TNRC18: variants seen among roughly 807,000 people sequenced by gnomAD.
TNRC18 encodes trinucleotide repeat containing 18.
Under a neutral mutation model 226.7 loss-of-function variants are expected in TNRC18, and 69 were observed. That is an observed-to-expected ratio of 0.30 (90% confidence interval 0.25 to 0.37). TNRC18 has a LOEUF of 0.37. TNRC18 is among the 10% of genes least tolerant of loss of function. TNRC18 has a pLI of 1.00. For missense variants in TNRC18, 4,754 were observed against 4,256.6 expected (o/e 1.12, Z -3.25); for synonymous variants, 2,449 against 1,927.6 (o/e 1.27, Z -7.09).
chr7:5,351,743 C>G (rs777353573), intron 17 of TNRC18, 76 bp downstream of exon 17: 1 of 1,454,800 alleles, frequency 6.9e-7, no homozygotes, highest in Admixed American at 2.7e-5. Context: ...TGCGCCCACT[C>G]GCTTCCCTCT....
At chr7:5,409,782 G>A (rs11772953) in intron 2 of TNRC18, among the ~76,000 whole-genome samples, 5 of 143,952 alleles carry the variant, frequency 3.5e-5, no homozygotes, top group African/African-American at 1.3e-4. Flanking sequence ...CGAGACCATC[G>A]TGGCTAACAT....
intron 5 of TNRC18, among the ~76,000 whole-genome samples, chr7:5,385,391 G>A (rs1028361197): frequency 3.3e-5 from 5 of 151,678 alleles, no homozygotes; most frequent in African/African-American, 1.2e-4. Flanking sequence ...GGGAGGCTGA[G>A]GCAGGAGAAT....
chr7:5,357,250 G>A lies in TNRC18; in HGVS notation c.4860C>T (p.Ala1620=), dbSNP rs1236903402. 1.2e-6 allele frequency: 2 copies of A among 1,611,896 alleles called. No individual in the cohort carries two copies. Among genetic ancestry groups the A allele is most frequent in the Non-Finnish European group, 1.7e-6 (2 of 1,179,130 alleles). Residue 1620 remains alanine (A), a synonymous_variant, in exon 16 of 30, where the codon GCC becomes GCT. Coordinates refer to ENST00000430969, the MANE Select transcript of TNRC18 (RefSeq NM_001080495.3). ...SQLKIKKKKM[A]SDQEQLASKL... The stretch of plus-strand genomic sequence containing the variant: ...TGCTTGCCAACTGCTCCTGGTCGCT[G>A]GCCATCTTCTTCTTCTTAATCTTTA...
intron 18 of TNRC18, 28 bp downstream of exon 18, chr7:5,345,534 C>CCCCCCCCCCCCCCCCCAACA: frequency 8.1e-7 from 1 of 1,228,346 alleles, no homozygotes; most frequent in Non-Finnish European, 1.1e-6. Flanking sequence ...CCACCCACCC[C>CCCCCCCCCCCCCCCCCAACA]CACCGCAGCC....
chr7:5,390,726 C>G, intron 3 of TNRC18, 98 bp from the exon 4 acceptor site: 2 of 1,387,706 alleles, frequency 1.4e-6, no homozygotes, highest in Non-Finnish European at 1.9e-6. Context: ...GGCAGCCGAC[C>G]GCTGGTACAG....
At chr7:5,380,048 C>A (rs1156653220) in intron 5 of TNRC18, among the ~76,000 whole-genome samples, 1 of 152,224 alleles carries the variant, frequency 6.6e-6, no homozygotes, top group Non-Finnish European at 1.5e-5. Context: ...CTGGGGTCTA[C>A]AGCGGCCCCA....
intron 2 of TNRC18, among the ~76,000 whole-genome samples, chr7:5,407,944 G>T (rs1057270807): frequency 6.6e-6 from 1 of 152,196 alleles, no homozygotes; most frequent in African/African-American, 2.4e-5. Flanking sequence ...AGGCAAAGTA[G>T]CAAGAGAAGG....
Position 5,377,179 on chromosome 7 carries a change from C to G in TNRC18, c.2462-186G>C, listed in dbSNP as rs1779041802. The stretch of plus-strand genomic sequence containing the variant: ...CAGAGCCACCCGCATTGGGCATCTG[C>G]CCCAAACAGGCATGGCAGAGGGGCC... On this transcript the variant is annotated intron_variant, in intron 7 of 29. Coordinates refer to ENST00000430969, the MANE Select transcript of TNRC18 (RefSeq NM_001080495.3). This position sits in a 1 kb window ranked among gnomAD's most constrained non-coding sequence, Gnocchi z 5.8. 6.6e-6 allele frequency among the ~76,000 whole-genome samples: 1 copy of G among 152,208 alleles called. No individual in the cohort carries two copies. Among genetic ancestry groups the G allele is most frequent in the African/African-American group, 2.4e-5 (1 of 41,454 alleles).
chr7:5,308,969 G>C lies in TNRC18; in HGVS notation c.8626-20C>G. 1 of 1,593,476 alleles carries C rather than the reference G, an allele frequency of 6.3e-7. No homozygotes were observed. Among genetic ancestry groups the C allele is most frequent in the Non-Finnish European group, 8.5e-7 (1 of 1,171,580 alleles). On this transcript the variant is annotated intron_variant, in intron 28 of 29. Transcript: ENST00000430969. ...CCAGTGCTGTGTGGGGGAGAGAGGA[G>C]GGGCTTGGGTGAGCCCGGGGGCTGC...
chr7:5,382,429 C>A (rs1052502672), intron 5 of TNRC18, among the ~76,000 whole-genome samples: 1 of 152,222 alleles, frequency 6.6e-6, no homozygotes, highest in African/African-American at 2.4e-5. Context: ...ACACGCCCCA[C>A]ATCGCAGCCA....
intron 27 of TNRC18, among the ~76,000 whole-genome samples, chr7:5,311,777 C>G (rs1034236897): frequency 1.3e-5 from 2 of 151,686 alleles, no homozygotes; most frequent in Non-Finnish European, 2.9e-5. Flanking sequence ...ACGATGGCAC[C>G]GCTGCACTCC....
At position 5,312,443 on chromosome 7, in the gene TNRC18, C is replaced by G; in HGVS notation, c.8388+60G>C. 1 of 1,581,292 alleles carries G rather than the reference C, an allele frequency of 6.3e-7. No homozygotes were observed. Among genetic ancestry groups the G allele is most frequent in the Non-Finnish European group, 8.6e-7 (1 of 1,168,248 alleles). On this transcript the variant is annotated intron_variant, in intron 27 of 29. Coordinates refer to ENST00000430969, the MANE Select transcript of TNRC18 (RefSeq NM_001080495.3). This position sits in a 1 kb window ranked among gnomAD's most constrained non-coding sequence, Gnocchi z 6.3. Reference sequence around the variant, plus strand: ...GGAGACACAGCATGAAGCCGTGGGCCCAGCAGAGAGACACAAGGCCCCCGG... The same window carrying G: ...GGAGACACAGCATGAAGCCGTGGGCGCAGCAGAGAGACACAAGGCCCCCGG...
intron 18 of TNRC18, among the ~76,000 whole-genome samples, chr7:5,338,845 G>A (rs1053188458): frequency 2.7e-5 from 4 of 150,588 alleles, no homozygotes; most frequent in Admixed American, 6.6e-5. Flanking sequence ...ACTTGAACCC[G>A]GGAGGTGGAG....
chr7:5,356,866 G>C (rs1308475184), intron 16 of TNRC18, 50 bp downstream of exon 16: 1 of 1,478,566 alleles, frequency 6.8e-7, no homozygotes, highest in Non-Finnish European at 9.0e-7. Context: ...GAAGAGGGGA[G>C]AAAAGGAGAG....
At chr7:5,382,932 C>G (rs532103963) in intron 5 of TNRC18, among the ~76,000 whole-genome samples, 1 of 152,224 alleles carries the variant, frequency 6.6e-6, no homozygotes, top group Non-Finnish European at 1.5e-5. Flanking sequence ...GGATCTTACT[C>G]TGCCACCCAG....
intron 8 of TNRC18, 57 bp from the exon 9 acceptor site, chr7:5,376,281 C>G: frequency 2.2e-6 from 3 of 1,353,714 alleles, no homozygotes; most frequent in Middle Eastern, 1.9e-4. Context: ...CCACCATGCC[C>G]ATTACGAGGG....
At chr7:5,392,503 A>C (rs1325181480) in intron 3 of TNRC18, among the ~76,000 whole-genome samples, 1 of 151,830 alleles carries the variant, frequency 6.6e-6, no homozygotes, top group Non-Finnish European at 1.5e-5. Context: ...AATCCCAGCT[A>C]CTCAGGAGGC....
intron 2 of TNRC18, among the ~76,000 whole-genome samples, chr7:5,396,318 C>T (rs1457885032): frequency 1.3e-5 from 2 of 148,900 alleles, no homozygotes; most frequent in Non-Finnish European, 3.0e-5. Context: ...ACTGCACTCC[C>T]GCCTGGGCAA....
At chr7:5,329,040 T>A (rs938604653) in intron 19 of TNRC18, among the ~76,000 whole-genome samples, 1 of 152,098 alleles carries the variant, frequency 6.6e-6, no homozygotes, top group Admixed American at 6.6e-5. Context: ...TGGTGGCTCA[T>A]GCCTATAATC....
Sources: gnomAD v4.1 joint callset for allele counts (sites outside exome capture counted in the v4.1 genomes callset) on GRCh38, gnomAD v4.1.1 for gene constraint, Gnocchi (gnomAD v3.1) non-coding constraint, MANE v1.5 for transcripts, NCBI Gene and HGNC (gene_info 2026-07-23, HGNC 2026-07-21) for gene names.